The following PHACTR3 variants were observed in gnomAD, a reference collection of about 807,000 sequenced individuals.
PHACTR3 encodes the protein protein phosphatase 1, regulatory subunit 123.
PHACTR3 carries 16 observed loss-of-function variants against 66.8 expected under a neutral mutation model. The observed-to-expected ratio is 0.24, with a 90% CI of 0.16 to 0.36. PHACTR3 has a LOEUF of 0.36. Ranked by LOEUF, PHACTR3 falls within the 10% of genes least tolerant of loss-of-function variation. PHACTR3 has a pLI of 1.00. For synonymous variants in PHACTR3, 323 were observed against 292.1 expected (o/e 1.11, Z -1.08); for missense variants, 647 against 719.9 (o/e 0.90, Z 1.16).
chr20:59,812,121 G>T (rs1037908972), intron 8 of PHACTR3, among the ~76,000 whole-genome samples: 3 of 152,248 alleles, frequency 2.0e-5, no homozygotes, highest in African/African-American at 7.2e-5. Context: ...GAGTGCAGGA[G>T]CATTGCTGTT....
At chr20:59,640,621 C>T (rs2035069675) in intron 1 of PHACTR3, among the ~76,000 whole-genome samples, 1 of 152,108 alleles carries the variant, frequency 6.6e-6, no homozygotes, top group African/African-American at 2.4e-5. Context: ...CTTTGGTTTT[C>T]AAGAGAATTT....
intron 8 of PHACTR3, among the ~76,000 whole-genome samples, chr20:59,808,875 G>A (rs951483547): frequency 1.3e-5 from 2 of 152,202 alleles, no homozygotes; most frequent in Non-Finnish European, 2.9e-5. Flanking sequence ...CCGTGGAGGG[G>A]CCGTCCCGTG....
intron 1 of PHACTR3, among the ~76,000 whole-genome samples, chr20:59,640,275 A>G (rs991938349): frequency 2.6e-5 from 4 of 152,214 alleles, no homozygotes; most frequent in Non-Finnish European, 2.9e-5. Flanking sequence ...TTTGGCTATA[A>G]TTACTATCCT....
At chr20:59,627,643 C>G (rs1410035043) in intron 1 of PHACTR3, among the ~76,000 whole-genome samples, 2 of 152,180 alleles carry the variant, frequency 1.3e-5, no homozygotes, top group African/African-American at 4.8e-5. Context: ...ATAGAGATAT[C>G]TGGGACTGGA....
At chr20:59,587,914 C>T (rs897378231) in intron 1 of PHACTR3, among the ~76,000 whole-genome samples, 3 of 152,228 alleles carry the variant, frequency 2.0e-5, no homozygotes, top group African/African-American at 7.2e-5. Flanking sequence ...CCTGTCCACT[C>T]CTGCCTTCCC....
chr20:59,724,596 A>T (rs2038487283), intron 1 of PHACTR3, among the ~76,000 whole-genome samples: 1 of 151,944 alleles, frequency 6.6e-6, no homozygotes, highest in African/African-American at 2.4e-5. Context: ...TCACCTGGGG[A>T]GATTTGAAGC....
intron 1 of PHACTR3, among the ~76,000 whole-genome samples, chr20:59,616,175 C>T (rs1273718963): frequency 2.0e-5 from 3 of 152,154 alleles, no homozygotes; most frequent in Non-Finnish European, 4.4e-5. Flanking sequence ...CCCCCTTAGA[C>T]GAGCAGTTAT....
chr20:59,619,663 G>T (rs1400570407), intron 1 of PHACTR3, among the ~76,000 whole-genome samples: 2 of 152,150 alleles, frequency 1.3e-5, no homozygotes, highest in Non-Finnish European at 2.9e-5. Context: ...ACGGAACTAG[G>T]AGCTAATAAG....
chr20:59,822,855 G>A (rs980012804), intron 8 of PHACTR3, among the ~76,000 whole-genome samples: 8 of 152,186 alleles, frequency 5.3e-5, no homozygotes, highest in African/African-American at 9.7e-5. Flanking sequence ...CCTGGAGAGC[G>A]GCGGGCTGTT....
intron 1 of PHACTR3, among the ~76,000 whole-genome samples, chr20:59,607,568 A>G (rs1289662977): frequency 6.6e-6 from 1 of 152,246 alleles, no homozygotes; most frequent in Admixed American, 6.5e-5. Flanking sequence ...GCAAAGACTC[A>G]AAGCATTCTT....
chr20:59,662,861 G>A (rs942032099), intron 1 of PHACTR3, among the ~76,000 whole-genome samples: 5 of 152,168 alleles, frequency 3.3e-5, no homozygotes, highest in African/African-American at 1.2e-4. Context: ...GGACTTCACA[G>A]GGAGGGTGAA....
chr20:59,769,271 C>T (rs1164818507), intron 5 of PHACTR3, among the ~76,000 whole-genome samples: 1 of 152,228 alleles, frequency 6.6e-6, no homozygotes, highest in Non-Finnish European at 1.5e-5. Context: ...CCACCTGGAA[C>T]CTCAGAACAT....
intron 4 of PHACTR3, among the ~76,000 whole-genome samples, chr20:59,763,567 A>G (rs540498637): frequency 5.1e-4 from 78 of 152,370 alleles, no homozygotes; most frequent in African/African-American, 1.8e-3. Flanking sequence ...ATTGGCCTCC[A>G]GATGGAGATG....
intron 1 of PHACTR3, among the ~76,000 whole-genome samples, chr20:59,684,722 C>T (rs188944690): frequency 6.6e-6 from 1 of 152,218 alleles, no homozygotes; most frequent in Non-Finnish European, 1.5e-5. Flanking sequence ...GGGCTGGGAG[C>T]CCCTAGAGAG....
chr20:59,789,412 C>G (rs1302936032), intron 7 of PHACTR3, among the ~76,000 whole-genome samples: 2 of 152,204 alleles, frequency 1.3e-5, no homozygotes, highest in Non-Finnish European at 2.9e-5. Flanking sequence ...AGCTGAAGGT[C>G]AGGGGGTGCT....
At position 59,830,979 on chromosome 20, in the gene PHACTR3, A is replaced by G. The variant is rs1052731336; in HGVS notation, c.1329-5526A>G. Among the ~76,000 whole-genome samples the G allele has an allele frequency of 3.9e-5, 6 of 152,112 alleles. No homozygotes were observed. The highest frequency in any genetic ancestry group is 8.8e-5 in the Non-Finnish European group (6 of 67,988). On this transcript the variant is annotated intron_variant, in intron 8 of 12. Transcript: ENST00000371015. The surrounding 1 kb of genome is among the most constrained non-coding windows in gnomAD (Gnocchi z 5.8). The stretch of plus-strand genomic sequence containing the variant: ...GCCTCTCCAGGCGTCCTGACTGTCC[A>G]GGCTGTCGGCGGTCTCATCAGCTCC...
intron 1 of PHACTR3, among the ~76,000 whole-genome samples, chr20:59,679,182 TGGA>T (rs1568702697): frequency 6.6e-6 from 1 of 152,186 alleles, no homozygotes; most frequent in Non-Finnish European, 1.5e-5. Flanking sequence ...CGGTTGAAGA[TGGA>T]CTTGATTGAA....
At chr20:59,810,633 C>T (rs2041708472) in intron 8 of PHACTR3, among the ~76,000 whole-genome samples, 1 of 152,162 alleles carries the variant, frequency 6.6e-6, no homozygotes, top group Non-Finnish European at 1.5e-5. Context: ...TTTTAATTTC[C>T]AGAACCTTCA....
At chr20:59,819,969 T>C (rs948868744) in intron 8 of PHACTR3, among the ~76,000 whole-genome samples, 1 of 152,192 alleles carries the variant, frequency 6.6e-6, no homozygotes, top group Admixed American at 6.5e-5. Context: ...CAATTTATGA[T>C]TTTCTTCCTT....
Sources: allele counts gnomAD v4.1 joint callset (sites outside exome capture counted in the v4.1 genomes callset), GRCh38; gene constraint gnomAD v4.1.1; non-coding constraint Gnocchi (gnomAD v3.1); transcripts MANE v1.5; gene names NCBI Gene and HGNC (gene_info 2026-07-23, HGNC 2026-07-21).